Variants in HADHA observed in about 807,000 individuals in gnomAD.
The protein encoded by HADHA is hydroxyacyl-CoA dehydrogenase trifunctional multienzyme complex subunit alpha.
HADHA carries 59 observed loss-of-function variants against 91.3 expected under a neutral mutation model. That is an observed-to-expected ratio of 0.65 (90% CI 0.52 to 0.80). The LOEUF (loss-of-function observed/expected upper bound fraction) is 0.80. Ranked by LOEUF, HADHA falls within the 30% of genes least tolerant of loss-of-function variation. The pLI, the probability that HADHA is intolerant of heterozygous loss-of-function variation, is 0.00. For missense variants in HADHA, 800 were observed against 927.6 expected (o/e 0.86, Z 1.79); for synonymous variants, 320 against 338.9 (o/e 0.94, Z 0.61).
chr2:26,221,083 G>A lies in HADHA; in HGVS notation c.677-5908C>T, dbSNP rs540067900. Among the ~76,000 whole-genome samples the A allele has an allele frequency of 1.3e-5, 2 of 152,228 alleles. No homozygotes were observed. Among genetic ancestry groups the A allele is most frequent in the South Asian group, 2.1e-4 (1 of 4,820 alleles). The stretch of plus-strand genomic sequence containing the variant: ...GGCCCCTCCTACCACAAAAAAACAC[G>A]GAGAACACCTGGTGGGCTGCTTCAG... On this transcript the variant is annotated intron_variant, in intron 7 of 19. Coordinates refer to ENST00000380649, the MANE Select transcript of HADHA (RefSeq NM_000182.5). The surrounding 1 kb of genome is among the most constrained non-coding windows in gnomAD (Gnocchi z 4.8).
In HADHA at chr2:26,234,337, C is replaced by G. The variant is rs760755308; in HGVS notation, c.333G>C (p.Lys111Asn). 1.9e-6 allele frequency: 3 copies of G among 1,613,440 alleles called. No homozygotes were observed. The South Asian group carries it at 3.3e-5, about 18-fold the overall frequency. ...GADINMLAAC[K>N]TLQEVTQLSQ... Reference sequence around the variant, plus strand: ...ATAGCTGTGTTACTTCTTGAAGGGTCTTGCAAGCGGCTAACATGCTGCATT... The same window carrying G: ...ATAGCTGTGTTACTTCTTGAAGGGTGTTGCAAGCGGCTAACATGCTGCATT... The change falls in exon 5 of 20, where the codon AAG becomes AAC. Residue 111 changes from lysine to asparagine, a missense_variant. Transcript: ENST00000380649.
At chr2:26,201,475 T>C (rs1396843405) in intron 12 of HADHA, among the ~76,000 whole-genome samples, 155 bp from the exon 13 acceptor site, 2 of 152,228 alleles carry the variant, frequency 1.3e-5, no homozygotes, top group African/African-American at 2.4e-5. Flanking sequence ...TTGTTTAGTC[T>C]TAGAGGGACC....
intron 3 of HADHA, among the ~76,000 whole-genome samples, chr2:26,238,085 G>GT (rs1397465289): frequency 6.6e-6 from 1 of 152,186 alleles, no homozygotes; most frequent in Non-Finnish European, 1.5e-5. Flanking sequence ...ATAGCTCACT[G>GT]TAACCTTGAA....
intron 15 of HADHA, 127 bp from the exon 16 acceptor site, chr2:26,194,765 C>G (rs1259023630): frequency 6.7e-6 from 5 of 748,648 alleles, no homozygotes; most frequent in Non-Finnish European, 1.2e-5. Flanking sequence ...GACTTAAAAT[C>G]TCAATCAGAA....
chr2:26,194,238 C>G (rs909348060), intron 16 of HADHA, among the ~76,000 whole-genome samples: 1 of 152,112 alleles, frequency 6.6e-6, no homozygotes, highest in African/African-American at 2.4e-5. Flanking sequence ...GAAACAGATG[C>G]AGCACCAGTT....
chr2:26,206,781 A>G (rs1045344808), intron 11 of HADHA, among the ~76,000 whole-genome samples: 1 of 152,228 alleles, frequency 6.6e-6, no homozygotes, highest in African/African-American at 2.4e-5. Context: ...GTAATTCGTC[A>G]ACAGGGGATT....
chr2:26,201,278 T>TGA lies in HADHA; in HGVS notation c.1262_1263insTC (p.Glu421AspfsTer10). 6.2e-7 allele frequency: 1 copy of TGA among 1,612,234 alleles called. No individual in the cohort carries two copies. The highest frequency in any genetic ancestry group is 8.5e-7 in the Non-Finnish European group (1 of 1,178,238). On this transcript the variant is annotated frameshift_variant, in exon 13 of 20. Coordinates refer to ENST00000380649, the MANE Select transcript of HADHA (RefSeq NM_000182.5). LOFTEE classifies it high-confidence loss of function. ...TCAAGTTGCTGAAGATGGAATCCCT[T>TGA]TCAAATGATGTTAGAGCTTTCTTCT...
At position 26,229,130 on chromosome 2, in the gene HADHA, C is replaced by T. The variant is rs886571390; in HGVS notation, c.676+1062G>A. ...CTGAGGGAGGAGGATTACTTGAGCC[C>T]GGAGTTTGAGACTAGCCTGGAAAAC... On this transcript the variant is annotated intron_variant, in intron 7 of 19. Transcript: ENST00000380649. This position sits in a 1 kb window ranked among gnomAD's most constrained non-coding sequence, Gnocchi z 4.3. Among the ~76,000 whole-genome samples the T allele has an allele frequency of 3.9e-5, 6 of 152,112 alleles. No homozygotes were observed. The highest frequency in any genetic ancestry group is 2.1e-4 in the South Asian group (1 of 4,818).
chr2:26,191,997 A>G (rs1669520874), intron 18 of HADHA, among the ~76,000 whole-genome samples: 1 of 152,178 alleles, frequency 6.6e-6, no homozygotes, highest in Admixed American at 6.5e-5. Context: ...AGAAGGCTGG[A>G]GCAGGGGAGG....
In HADHA at chr2:26,201,296, TTTC is replaced by T. The variant is rs780444577; in HGVS notation, c.1242_1244del (p.Lys415del). On this transcript the variant is annotated inframe_deletion, in exon 13 of 20. Transcript: ENST00000380649. ...AATCCCTTTCAAATGATGTTAGAGC[TTTC>T]TTCTTCACTTTGTCATTCAATCTAG... 3 of 1,611,006 alleles carry T rather than the reference TTTC, an allele frequency of 1.9e-6. No homozygotes were observed. Among genetic ancestry groups the T allele is most frequent in the Middle Eastern group, 1.7e-4 (1 of 6,054 alleles).
In HADHA at chr2:26,229,894, T is replaced by G. The variant is rs1309657732; in HGVS notation, c.676+298A>C. Among the ~76,000 whole-genome samples the G allele has an allele frequency of 1.3e-5, 2 of 152,198 alleles. No homozygotes were observed. The highest frequency in any genetic ancestry group is 1.9e-4 in the East Asian group (1 of 5,200). On this transcript the variant is annotated intron_variant, in intron 7 of 19. Transcript: ENST00000380649. This position sits in a 1 kb window ranked among gnomAD's most constrained non-coding sequence, Gnocchi z 4.3. ...CAGGCTGGAGCACAATGGCATGATCTTGGCTCACTGCAACCTCAGCCCCGC... is the reference window on the plus strand; with the variant it reads ...CAGGCTGGAGCACAATGGCATGATCGTGGCTCACTGCAACCTCAGCCCCGC...
At chr2:26,237,912 G>C (rs1670799555) in intron 3 of HADHA, among the ~76,000 whole-genome samples, 1 of 152,024 alleles carries the variant, frequency 6.6e-6, no homozygotes, top group Non-Finnish European at 1.5e-5. Flanking sequence ...ATTTACTCTA[G>C]TAAAGGGGAA....
At chr2:26,238,347 G>C (rs1670812297) in intron 3 of HADHA, among the ~76,000 whole-genome samples, 1 of 152,102 alleles carries the variant, frequency 6.6e-6, no homozygotes, top group South Asian at 2.1e-4. Flanking sequence ...AATTTAGATG[G>C]GGGAAAAGCA....
chr2:26,233,445 A>G (rs999757590), intron 5 of HADHA, among the ~76,000 whole-genome samples: 6 of 152,234 alleles, frequency 3.9e-5, no homozygotes, highest in African/African-American at 1.4e-4. Flanking sequence ...TCAGCATGTG[A>G]AAAGTGCTCA....
intron 7 of HADHA, among the ~76,000 whole-genome samples, chr2:26,219,006 C>CA (rs371567909): frequency 0.79 from 81,046 of 102,508 alleles, 32,069 homozygotes; most frequent in African/African-American, 0.81. Context: ...GACTCCGTCT[C>CA]AAAAAAAAAA....
rs1669819711 is a variant in HADHA, at chr2:26,201,062, T to A, written c.1392+87A>T. 3 of 972,076 alleles carry A rather than the reference T, an allele frequency of 3.1e-6. No individual in the cohort carries two copies. In the African/African-American group the frequency reaches 4.8e-5, roughly 16 times the overall value. 60.2% of individuals were successfully genotyped at this position (972,076 alleles called of 1,614,324 possible). A position where few individuals can be genotyped will look rare whatever the true frequency, so the allele number is the denominator to read the frequency against. ...ATAGTCCTTTTTATAAAAGCAATCA[T>A]GAGTTTCCTATAGCTCCTTTAAAAA... On this transcript the variant is annotated intron_variant, in intron 13 of 19. Transcript: ENST00000380649.
intron 7 of HADHA, among the ~76,000 whole-genome samples, chr2:26,217,584 C>T (rs1558324273): frequency 6.6e-6 from 1 of 152,092 alleles, no homozygotes; most frequent in Non-Finnish European, 1.5e-5. Context: ...AAGGGAAAGG[C>T]ACATCATATA....
At chr2:26,193,529 G>T (rs13432831) in intron 17 of HADHA, 48 bp downstream of exon 17, 2 of 1,476,450 alleles carry the variant, frequency 1.4e-6, no homozygotes, top group South Asian at 1.1e-5. Context: ...GAACTGCTTA[G>T]AACTTTGTAA....
intron 1 of HADHA, among the ~76,000 whole-genome samples, chr2:26,242,916 TA>T (rs1670937265): frequency 6.6e-6 from 1 of 152,288 alleles, no homozygotes; most frequent in African/African-American, 2.4e-5. Flanking sequence ...CACGTCCGGC[TA>T]ATTTCTTGTA....
Sources: gnomAD v4.1 joint callset for allele counts (sites outside exome capture counted in the v4.1 genomes callset) on GRCh38, gnomAD v4.1.1 for gene constraint, Gnocchi (gnomAD v3.1) non-coding constraint, MANE v1.5 for transcripts, NCBI Gene and HGNC (gene_info 2026-07-23, HGNC 2026-07-21) for gene names.